TMTC2: variants seen among roughly 807,000 people sequenced by gnomAD.
TMTC2 encodes the protein transmembrane O-mannosyltransferase targeting cadherins 2.
Under a neutral mutation model 82.4 loss-of-function variants are expected in TMTC2, and 43 were observed. That is an observed-to-expected ratio of 0.52 (90% confidence interval 0.41 to 0.67). The LOEUF is 0.67. Ranked by LOEUF, TMTC2 falls within the 30% of genes least tolerant of loss-of-function variation. The pLI, the probability that TMTC2 is intolerant of heterozygous loss-of-function variation, is 0.00. For missense variants in TMTC2, 919 were observed against 1,012.4 expected, an observed-to-expected ratio of 0.91 and a Z score of 1.25; for synonymous variants, 408 against 381.9, an observed-to-expected ratio of 1.07 and a Z score of -0.80.
intron 1 of TMTC2, among the ~76,000 whole-genome samples, chr12:82,803,178 G>T (rs1879090207): frequency 6.6e-6 from 1 of 152,136 alleles, no homozygotes; most frequent in Non-Finnish European, 1.5e-5. Context: ...ATTGTATCCA[G>T]ATGAATGCCT....
intron 7 of TMTC2, among the ~76,000 whole-genome samples, chr12:82,971,810 C>CAA (rs5799603): frequency 0.01 from 1,462 of 145,440 alleles, 10 homozygotes; most frequent in African/African-American, 0.016. Context: ...CCTCTGTATG[C>CAA]AAAAAAAAAA....
chr12:83,132,060 TTATC>T, intron 11 of TMTC2, 146 bp from the exon 12 acceptor site: 1 of 860,644 alleles, frequency 1.2e-6, no homozygotes, highest in Non-Finnish European at 1.7e-6. Flanking sequence ...CTAGTTATCT[TTATC>T]TGTTTGTATA....
intron 11 of TMTC2, among the ~76,000 whole-genome samples, chr12:83,111,266 T>C (rs1884590743): frequency 6.6e-6 from 1 of 152,214 alleles, no homozygotes; most frequent in Admixed American, 6.5e-5. Context: ...TCCCATTTAA[T>C]GTTTAAACTA....
In TMTC2 at chr12:83,032,285, A is replaced by ATATATATATG. The variant is rs1555206994; in HGVS notation, c.2152+1415_2152+1416insGTATATATAT. On this transcript the variant is annotated intron_variant, in intron 9 of 11. Transcript: ENST00000321196. ...TATATATATATATATATATATATATATATATATATAGGTTTGTCACAATCC... is the reference window on the plus strand; with the variant it reads ...TATATATATATATATATATATATATATATATATATGTATATATATAGGTTTGTCACAATCC... 3.9e-4 allele frequency among the ~76,000 whole-genome samples: 33 copies of ATATATATATG among 85,658 alleles called. 1 individual carries two copies. The East Asian group carries it at 6.4e-3, about 17-fold the overall frequency. The allele number at this position is 85,658 out of a possible 152,430, so 56.2% of individuals were successfully genotyped here. A position where few individuals can be genotyped will look rare whatever the true frequency, so the allele number is the denominator to read the frequency against.
chr12:82,920,992 C>T (rs1428905328), intron 3 of TMTC2, among the ~76,000 whole-genome samples: 1 of 151,890 alleles, frequency 6.6e-6, no homozygotes, highest in Non-Finnish European at 1.5e-5. Context: ...AAATGTAAAA[C>T]ATTTGATATA....
At chr12:83,025,916 T>C (rs185458772) in intron 8 of TMTC2, among the ~76,000 whole-genome samples, 61 of 152,202 alleles carry the variant, frequency 4.0e-4, no homozygotes, top group Non-Finnish European at 8.5e-4. Flanking sequence ...TCTGCCCTGC[T>C]GGAATTGAGG....
At chr12:83,074,278 C>T (rs758502533) in intron 11 of TMTC2, among the ~76,000 whole-genome samples, 1 of 152,142 alleles carries the variant, frequency 6.6e-6, no homozygotes, top group Non-Finnish European at 1.5e-5. Flanking sequence ...GTCTACCAGG[C>T]TCCGTGCTGG....
intron 1 of TMTC2, among the ~76,000 whole-genome samples, chr12:82,738,946 G>A (rs187287005): frequency 1.3e-5 from 2 of 152,066 alleles, no homozygotes; most frequent in African/African-American, 2.4e-5. Flanking sequence ...TCAGGAGTTC[G>A]AGACCAGCCT....
Position 82,749,719 on chromosome 12 carries a change from T to TTTTC in TMTC2, c.83+62070_83+62073dup, listed in dbSNP as rs200184395. Among the ~76,000 whole-genome samples the TTTTC allele has an allele frequency of 4.0e-4, 57 of 141,146 alleles. 3 individuals are homozygous for TTTTC. The highest frequency in any genetic ancestry group is 1.4e-3 in the African/African-American group (52 of 37,052). The allele number at this position is 141,146 out of a possible 152,430, so 92.6% of individuals were successfully genotyped here. The stretch of plus-strand genomic sequence containing the variant: ...GTGTTAACAGATAGAAACTGTTTGT[T>TTTTC]TTTCTTTCTTTCTTTCTTTCTTTTT... On this transcript the variant is annotated intron_variant, in intron 1 of 11. Transcript: ENST00000321196.
At chr12:82,778,245 C>A (rs954318393) in intron 1 of TMTC2, among the ~76,000 whole-genome samples, 1 of 152,042 alleles carries the variant, frequency 6.6e-6, no homozygotes, top group Non-Finnish European at 1.5e-5. Context: ...CCAATCATGA[C>A]TAGAGATGTG....
At chr12:82,962,577 C>T (rs1166286633) in intron 4 of TMTC2, among the ~76,000 whole-genome samples, 1 of 151,720 alleles carries the variant, frequency 6.6e-6, no homozygotes, top group East Asian at 1.9e-4. Flanking sequence ...AGATTTTTTC[C>T]CTATTTTATT....
At chr12:82,711,351 G>A (rs1873610074) in intron 1 of TMTC2, among the ~76,000 whole-genome samples, 1 of 151,950 alleles carries the variant, frequency 6.6e-6, no homozygotes, top group Non-Finnish European at 1.5e-5. Context: ...ACATTCAGGG[G>A]TCTTAGTACT....
At chr12:82,860,683 A>G (rs889950678) in intron 2 of TMTC2, among the ~76,000 whole-genome samples, 3 of 152,220 alleles carry the variant, frequency 2.0e-5, no homozygotes, top group African/African-American at 7.2e-5. Flanking sequence ...TGAAAGAAGA[A>G]ATGTCGATGG....
rs564832855 is a variant in TMTC2 at position 82,764,712 on chromosome 12, C to T, written c.83+77043C>T. 3.9e-5 allele frequency among the ~76,000 whole-genome samples: 6 copies of T among 151,980 alleles called. No individual in the cohort carries two copies. The South Asian group carries it at 1.0e-3, about 26-fold the overall frequency. On this transcript the variant is annotated intron_variant, in intron 1 of 11. Coordinates refer to ENST00000321196, the MANE Select transcript of TMTC2 (RefSeq NM_152588.3). ...GGGGAGACAGGTCTACGCCTTTCTC[C>T]GAAGATGATTTTGAGGGCTCCAATT...
intron 1 of TMTC2, among the ~76,000 whole-genome samples, chr12:82,834,111 A>G (rs1233645517): frequency 1.3e-5 from 2 of 152,234 alleles, no homozygotes; most frequent in Non-Finnish European, 2.9e-5. Context: ...CAGATTGCCC[A>G]TGGATATTAT....
chr12:82,908,765 A>C (rs931273436), intron 3 of TMTC2, among the ~76,000 whole-genome samples: 2 of 151,810 alleles, frequency 1.3e-5, no homozygotes, highest in Non-Finnish European at 1.5e-5. Context: ...TTTACCTGCA[A>C]AACTAGCTAG....
chr12:82,971,099 C>T (rs1275501856), intron 7 of TMTC2, among the ~76,000 whole-genome samples: 1 of 152,108 alleles, frequency 6.6e-6, no homozygotes, highest in East Asian at 1.9e-4. Context: ...AGATGGAAGA[C>T]TCATATCTTA....
At chr12:83,074,753 G>A (rs1407334627) in intron 11 of TMTC2, among the ~76,000 whole-genome samples, 1 of 152,032 alleles carries the variant, frequency 6.6e-6, no homozygotes, top group Non-Finnish European at 1.5e-5. Flanking sequence ...CCAGGTGGAG[G>A]GCGTGAGGTC....
At position 82,738,855 on chromosome 12, in the gene TMTC2, A is replaced by AAATG. The variant is rs564675492; in HGVS notation, c.83+51188_83+51191dup. The stretch of plus-strand genomic sequence containing the variant: ...ATAATTCTTCTTTCTAGTTAATGAA[A>AAATG]AATGATACATGGCTGGGTGTGATGG... On this transcript the variant is annotated intron_variant, in intron 1 of 11. Coordinates refer to ENST00000321196, the MANE Select transcript of TMTC2 (RefSeq NM_152588.3). 2.7e-3 allele frequency among the ~76,000 whole-genome samples: 404 copies of AAATG among 152,286 alleles called. 2 individuals carry two copies. The highest frequency in any genetic ancestry group is 9.2e-3 in the African/African-American group (382 of 41,558).
Sources: gnomAD v4.1 joint callset for allele counts (sites outside exome capture counted in the v4.1 genomes callset) on GRCh38, gnomAD v4.1.1 for gene constraint, MANE v1.5 for transcripts, NCBI Gene and HGNC (gene_info 2026-07-23, HGNC 2026-07-21) for gene names.